Variants in NARS1 observed in about 807,000 individuals in gnomAD.
The protein encoded by NARS1 is asparagine--tRNA ligase, cytoplasmic.
Under a neutral mutation model 79.2 loss-of-function variants are expected in NARS1, and 65 were observed. That is an observed-to-expected ratio of 0.82 (90% CI 0.67 to 1.01). NARS1 has a LOEUF of 1.01. NARS1 is among the 50% of genes least tolerant of loss of function. NARS1 has a pLI of 0.00. For synonymous variants in NARS1, 229 were observed against 238.8 expected, an observed-to-expected ratio of 0.96 and a Z score of 0.38; for missense variants, 649 against 673.8, an observed-to-expected ratio of 0.96 and a Z score of 0.41.
In NARS1 at chr18:57,606,746, G is replaced by A. The variant is rs1479092834; in HGVS notation, c.1007C>T (p.Thr336Ile). 2 of 1,614,042 alleles carry A rather than the reference G, an allele frequency of 1.2e-6. No homozygotes were observed. Among genetic ancestry groups the A allele is most frequent in the Admixed American group, 1.7e-5 (1 of 59,976 alleles). ...SRTRRHLAEY[T>I]HVEAECPFLT... ...GAAAGGACACTCAGCTTCCACGTGA[G>A]TGTACCTGAAGAACGAGACAATAGC... Residue 336 changes from threonine (T) to isoleucine (I), a missense_variant, in exon 10 of 14, where the codon ACT becomes ATT. By Grantham distance (89) the Thr-to-Ile change is moderately conservative. Coordinates refer to ENST00000256854, the MANE Select transcript of NARS1 (RefSeq NM_004539.4).
intron 1 of NARS1, 122 bp downstream of exon 1, chr18:57,621,586 G>T (rs1908305930): frequency 2.3e-6 from 1 of 434,240 alleles, no homozygotes; most frequent in Non-Finnish European, 4.6e-6. Context: ...CCCTGCAATC[G>T]GTCCCCAAAC....
At chr18:57,605,223 G>C (rs751101238) in intron 11 of NARS1, among the ~76,000 whole-genome samples, 5 of 151,376 alleles carry the variant, frequency 3.3e-5, no homozygotes, top group Non-Finnish European at 5.9e-5. Context: ...TACCAGCCTA[G>C]AGAATGATAA....
In NARS1 at chr18:57,609,339, G is replaced by GA. The variant is rs2051586333; in HGVS notation, c.579+17dup. 2 of 1,593,512 alleles carry GA rather than the reference G, an allele frequency of 1.3e-6. No homozygotes were observed. Among genetic ancestry groups the GA allele is most frequent in the Non-Finnish European group, 1.7e-6 (2 of 1,162,764 alleles). ...AATAAACTATTCATTCACCCAGTGC[G>GA]AAACTCAATCCACTCACCTGCTTGC... On this transcript the variant is annotated intron_variant, in intron 7 of 13. Coordinates refer to ENST00000256854, the MANE Select transcript of NARS1 (RefSeq NM_004539.4).
intron 11 of NARS1, among the ~76,000 whole-genome samples, 164 bp downstream of exon 11, chr18:57,605,693 C>T (rs1324600022): frequency 6.6e-6 from 1 of 151,930 alleles, no homozygotes; most frequent in African/African-American, 2.4e-5. Flanking sequence ...CTAAGGCTGA[C>T]TCTGTTAACT....
chr18:57,602,740 C>A, intron 12 of NARS1, 72 bp downstream of exon 12: 2 of 1,523,292 alleles, frequency 1.3e-6, no homozygotes, highest in South Asian at 1.2e-5. Flanking sequence ...ATGAGCTGTA[C>A]CTGATTCCAG....
chr18:57,620,668 G>A lies in NARS1; in HGVS notation c.11-17C>T, dbSNP rs757526478. 1.3e-6 allele frequency: 2 copies of A among 1,575,200 alleles called. No individual in the cohort carries two copies. The highest frequency in any genetic ancestry group is 1.1e-5 in the South Asian group (1 of 89,522). On this transcript the variant is annotated splice_polypyrimidine_tract_variant and intron_variant, in intron 1 of 13. Transcript: ENST00000256854. ...ACAGCTCTGCTGTTTGACAAAATGAGGGTAAGTTATGGTCTGGCCATTAAC... is the reference window on the plus strand; with the variant it reads ...ACAGCTCTGCTGTTTGACAAAATGAAGGTAAGTTATGGTCTGGCCATTAAC...
At chr18:57,610,765 G>A (rs992978408) in intron 6 of NARS1, among the ~76,000 whole-genome samples, 1 of 152,130 alleles carries the variant, frequency 6.6e-6, no homozygotes, top group African/African-American at 2.4e-5. Context: ...AAGAGAGAAT[G>A]CAAAGAGAGC....
chr18:57,608,977 T>C (rs2051583664), intron 7 of NARS1, among the ~76,000 whole-genome samples: 3 of 152,204 alleles, frequency 2.0e-5, no homozygotes, highest in African/African-American at 7.2e-5. Context: ...ATGCTTCCTG[T>C]CATTGAACAT....
chr18:57,605,853 A>G lies in NARS1; in HGVS notation c.1251+4T>C. Reference sequence around the variant, plus strand: ...TGGAAACAATGAGAGAAAGGGATACATACTTCTCCAAATTCATAGAAAGTT... The same window carrying G: ...TGGAAACAATGAGAGAAAGGGATACGTACTTCTCCAAATTCATAGAAAGTT... On this transcript the variant is annotated splice_donor_region_variant and intron_variant, in intron 11 of 13. Coordinates refer to ENST00000256854, the MANE Select transcript of NARS1 (RefSeq NM_004539.4). 1 of 1,575,312 alleles carries G rather than the reference A, an allele frequency of 6.3e-7. No homozygotes were observed. The highest frequency in any genetic ancestry group is 8.7e-7 in the Non-Finnish European group (1 of 1,148,934).
At position 57,613,592 on chromosome 18, in the gene NARS1, T is replaced by C; in HGVS notation, c.421+10A>G. 6.2e-7 allele frequency: 1 copy of C among 1,606,986 alleles called. No homozygotes were observed. The highest frequency in any genetic ancestry group is 8.5e-7 in the Non-Finnish European group (1 of 1,175,062). ...AAACATTAAAAAGAAGGAAAAGCTT[T>C]GCCATTTACCTTGCCTGCGCAGCCT... On this transcript the variant is annotated intron_variant, in intron 5 of 13. Coordinates refer to ENST00000256854, the MANE Select transcript of NARS1 (RefSeq NM_004539.4).
chr18:57,615,261 G>T (rs550841906), intron 4 of NARS1, among the ~76,000 whole-genome samples: 2 of 152,302 alleles, frequency 1.3e-5, no homozygotes, highest in East Asian at 1.9e-4. Flanking sequence ...CCAGCACTTT[G>T]GGAGGTCGAG....
chr18:57,611,609 T>C lies in NARS1; in HGVS notation c.492+28A>G. On this transcript the variant is annotated intron_variant, in intron 6 of 13. Transcript: ENST00000256854. ...GGAATCTACTGAAAACATCTAATTT[T>C]CAGGCATAAATAAGAGAAAATATTT... 4 of 1,478,016 alleles carry C rather than the reference T, an allele frequency of 2.7e-6. No homozygotes were observed. The South Asian group carries it at 3.7e-5, about 14-fold the overall frequency. The allele number at this position is 1,478,016 out of a possible 1,614,324, so 91.6% of individuals were successfully genotyped here. A position where few individuals can be genotyped will look rare whatever the true frequency, so the allele number is the denominator to read the frequency against.
At chr18:57,608,912 A>C (rs2051583326) in intron 7 of NARS1, among the ~76,000 whole-genome samples, 1 of 152,214 alleles carries the variant, frequency 6.6e-6, no homozygotes, top group East Asian at 1.9e-4. Context: ...AAGAGGAAGA[A>C]GGTGGAAGAG....
rs751052277 is a variant in NARS1, at chr18:57,607,436, A to C, written c.801+8T>G. The stretch of plus-strand genomic sequence containing the variant: ...ATTCTTTGCAAAAGCTGACGAATGC[A>C]TACTTACTTCATAGTACCCCCTATC... On this transcript the variant is annotated splice_region_variant and intron_variant, in intron 8 of 13. Coordinates refer to ENST00000256854, the MANE Select transcript of NARS1 (RefSeq NM_004539.4). 1 of 1,613,458 alleles carries C rather than the reference A, an allele frequency of 6.2e-7. No homozygotes were observed. The highest frequency in any genetic ancestry group is 8.5e-7 in the Non-Finnish European group (1 of 1,179,404).
At chr18:57,611,809 C>G in intron 5 of NARS1, 102 bp from the exon 6 acceptor site, 1 of 526,960 alleles carries the variant, frequency 1.9e-6, no homozygotes, top group Non-Finnish European at 2.9e-6. Context: ...GTCACCCAGG[C>G]TAGAGTGCAG....
chr18:57,620,571 T>C lies in NARS1; in HGVS notation c.91A>G (p.Lys31Glu). Residue 31 changes from lysine to glutamate, a missense_variant and splice_region_variant, in exon 2 of 14, where the codon AAG (lysine) becomes GAG (glutamate). By Grantham distance (56) the Lys-to-Glu change is moderately conservative. Transcript: ENST00000256854. ...TTCCTAATGAGAAGAGACTCTACCTTTAGACCTGTTTTAAATGGTTTCTCC... is the reference window on the plus strand; with the variant it reads ...TTCCTAATGAGAAGAGACTCTACCTCTAGACCTGTTTTAAATGGTTTCTCC... ...TKEKPFKTGL[K>E]ALMTVGKEPF... The C allele has an allele frequency of 6.2e-7, 1 of 1,607,414 alleles. No homozygotes were observed. Among genetic ancestry groups the C allele is most frequent in the Non-Finnish European group, 8.5e-7 (1 of 1,174,604 alleles).
intron 9 of NARS1, 62 bp downstream of exon 9, chr18:57,607,072 C>T: frequency 6.8e-7 from 1 of 1,469,570 alleles, no homozygotes; most frequent in Non-Finnish European, 9.3e-7. Context: ...TTTACCTACA[C>T]TAAGATTTCT....
At chr18:57,615,566 A>G in intron 4 of NARS1, 75 bp downstream of exon 4, 1 of 926,390 alleles carries the variant, frequency 1.1e-6, no homozygotes, top group Non-Finnish European at 1.7e-6. Context: ...AAACCATGTG[A>G]CATGCCCCTC....
intron 2 of NARS1, among the ~76,000 whole-genome samples, chr18:57,616,948 C>CAAAA (rs59363506): frequency 4.5e-4 from 33 of 72,802 alleles, no homozygotes; most frequent in African/African-American, 9.9e-4. Flanking sequence ...GACTCTGTCT[C>CAAAA]AAAAAAAAAA....
Sources: gnomAD v4.1 joint callset for allele counts (sites outside exome capture counted in the v4.1 genomes callset) on GRCh38, gnomAD v4.1.1 for gene constraint, MANE v1.5 for transcripts, NCBI Gene and HGNC (gene_info 2026-07-23, HGNC 2026-07-21) for gene names.